Variants in MDGA2 observed in about 807,000 individuals in gnomAD.
The protein encoded by MDGA2 is MAM domain-containing glycosylphosphatidylinositol anchor protein 2.
Under a neutral mutation model 117.8 loss-of-function variants are expected in MDGA2, and 40 were observed. That is an observed-to-expected ratio of 0.34 (90% confidence interval 0.26 to 0.44). The LOEUF (loss-of-function observed/expected upper bound fraction) is 0.44, where lower values mean the gene tolerates loss of function less well. MDGA2 is among the 20% of genes least tolerant of loss of function. The pLI is 1.00. For missense variants in MDGA2, 1,123 were observed against 1,250.6 expected (o/e 0.90, Z 1.54); for synonymous variants, 452 against 439.0 (o/e 1.03, Z -0.37).
chr14:47,184,404 G>A lies in MDGA2; in HGVS notation c.595+33617C>T, dbSNP rs116536308. ...CATTTTTTTGTCCATGTAGTTAACC[G>A]GAAATCAACCCAGATAATGACAGAT... is the stretch of plus-strand genomic sequence containing the variant. On this transcript the variant is annotated intron_variant, in intron 3 of 16. Coordinates refer to ENST00000399232, the MANE Select transcript of MDGA2 (RefSeq NM_001113498.3). 8.3e-3 allele frequency among the ~76,000 whole-genome samples: 1,262 copies of A among 151,816 alleles called. 18 individuals are homozygous for A. The highest frequency in any genetic ancestry group is 0.026 in the African/African-American group (1,086 of 41,474).
intron 8 of MDGA2, among the ~76,000 whole-genome samples, chr14:46,959,412 A>C (rs775750599): frequency 1.3e-5 from 2 of 151,774 alleles, no homozygotes; most frequent in East Asian, 3.9e-4. Context: ...TATACTTTTA[A>C]TATCTTTATA....
chr14:47,422,398 C>T (rs1037148789), intron 1 of MDGA2, among the ~76,000 whole-genome samples: 12 of 152,088 alleles, frequency 7.9e-5, no homozygotes, highest in Admixed American at 7.9e-4. Flanking sequence ...CCCCCTCCTG[C>T]CTCCTCCAGC....
At chr14:46,955,750 A>G (rs1458604464) in intron 9 of MDGA2, among the ~76,000 whole-genome samples, 6 of 120,476 alleles carry the variant, frequency 5.0e-5, no homozygotes, top group African/African-American at 2.7e-4. Flanking sequence ...AGGTAGATCA[A>G]GTGTACTTTG....
intron 1 of MDGA2, among the ~76,000 whole-genome samples, chr14:47,564,487 C>T (rs1053897777): frequency 5.3e-5 from 8 of 152,232 alleles, no homozygotes; most frequent in African/African-American, 1.4e-4. Flanking sequence ...GGGGTTTCTC[C>T]TTATAAAACC....
Position 47,666,818 on chromosome 14 carries a change from C to T in MDGA2, c.280+7699G>A, listed in dbSNP as rs575898389. On this transcript the variant is annotated intron_variant, in intron 1 of 16. Coordinates refer to ENST00000399232, the MANE Select transcript of MDGA2 (RefSeq NM_001113498.3). Reference sequence around the variant, plus strand: ...CCTTTATGAGCTATAACACTCACTGCGAAGGTCTACACAGCTTCACTCCTG... The same window carrying T: ...CCTTTATGAGCTATAACACTCACTGTGAAGGTCTACACAGCTTCACTCCTG... Among the ~76,000 whole-genome samples the T allele has an allele frequency of 1.8e-4, 28 of 152,212 alleles. No homozygotes were observed. In the South Asian group the frequency reaches 4.4e-3, roughly 24 times the overall value.
At chr14:46,847,695 C>G (rs1295086235) in intron 15 of MDGA2, among the ~76,000 whole-genome samples, 2 of 151,940 alleles carry the variant, frequency 1.3e-5, no homozygotes, top group East Asian at 3.9e-4. Context: ...GCAGAATATT[C>G]CACATTATGG....
intron 1 of MDGA2, among the ~76,000 whole-genome samples, chr14:47,386,333 A>G (rs7142541): frequency 0.18 from 27,803 of 152,174 alleles, 2,701 homozygotes; most frequent in Admixed American, 0.26. Context: ...AATCTTTTCA[A>G]TGATTTTGAT....
chr14:47,089,836 C>T (rs889615579), intron 6 of MDGA2, among the ~76,000 whole-genome samples: 1 of 141,436 alleles, frequency 7.1e-6, no homozygotes, highest in African/African-American at 2.7e-5. Flanking sequence ...GCACTGTGCC[C>T]GGCCTTCTGT....
chr14:47,621,706 T>C (rs1897053064), intron 1 of MDGA2, among the ~76,000 whole-genome samples: 1 of 152,194 alleles, frequency 6.6e-6, no homozygotes, highest in African/African-American at 2.4e-5. Flanking sequence ...TGTCAAGTCC[T>C]ACTGTGGTCT....
intron 1 of MDGA2, among the ~76,000 whole-genome samples, chr14:47,468,599 C>G (rs563714474): frequency 8.7e-4 from 133 of 152,150 alleles, no homozygotes; most frequent in Middle Eastern, 3.4e-3. Flanking sequence ...CAAAGATAGG[C>G]TGGAATCCTT....
intron 1 of MDGA2, among the ~76,000 whole-genome samples, chr14:47,400,919 G>A (rs529991349): frequency 4.7e-5 from 7 of 148,286 alleles, no homozygotes; most frequent in Admixed American, 2.7e-4. Flanking sequence ...CACCACGCCC[G>A]GCTAATTTTT....
chr14:47,215,495 G>C (rs886499043), intron 3 of MDGA2, among the ~76,000 whole-genome samples: 2 of 152,120 alleles, frequency 1.3e-5, no homozygotes, highest in African/African-American at 4.8e-5. Flanking sequence ...CTTCAATCAA[G>C]GTTGTATTTG....
At chr14:47,165,440 C>T (rs1172911977) in intron 3 of MDGA2, among the ~76,000 whole-genome samples, 2 of 151,900 alleles carry the variant, frequency 1.3e-5, no homozygotes, top group Non-Finnish European at 2.9e-5. Context: ...CCTTTCTTCC[C>T]TCTTTATCTG....
At chr14:46,862,018 A>T (rs1363578909) in intron 14 of MDGA2, among the ~76,000 whole-genome samples, 1 of 152,030 alleles carries the variant, frequency 6.6e-6, no homozygotes, top group East Asian at 1.9e-4. Flanking sequence ...GATTGTGTTA[A>T]TACTCCTTAA....
intron 3 of MDGA2, among the ~76,000 whole-genome samples, chr14:47,175,374 G>T (rs1884391188): frequency 1.3e-5 from 2 of 151,564 alleles, no homozygotes; most frequent in Non-Finnish European, 2.9e-5. Context: ...CAGTATCCTT[G>T]ATGAACATTG....
At chr14:47,533,667 C>A (rs1408815155) in intron 1 of MDGA2, among the ~76,000 whole-genome samples, 1 of 152,140 alleles carries the variant, frequency 6.6e-6, no homozygotes, top group Non-Finnish European at 1.5e-5. Flanking sequence ...AGAATAGTGA[C>A]CTCATTACAC....
At chr14:47,047,154 G>A (rs1021507263) in intron 7 of MDGA2, among the ~76,000 whole-genome samples, 4 of 152,072 alleles carry the variant, frequency 2.6e-5, no homozygotes, top group Non-Finnish European at 4.4e-5. Flanking sequence ...TTCACAAGAA[G>A]TAAGGCTTCT....
intron 5 of MDGA2, among the ~76,000 whole-genome samples, chr14:47,123,096 T>C (rs1265291212): frequency 6.6e-6 from 1 of 152,068 alleles, no homozygotes; most frequent in Non-Finnish European, 1.5e-5. Flanking sequence ...ATTTGTATTG[T>C]GAGATGGCTT....
chr14:47,066,776 G>A (rs1312882229), intron 6 of MDGA2, among the ~76,000 whole-genome samples: 1 of 152,142 alleles, frequency 6.6e-6, no homozygotes, highest in Non-Finnish European at 1.5e-5. Context: ...TACATTGTCT[G>A]AAATAGTATT....
Sources: allele counts gnomAD v4.1 joint callset (sites outside exome capture counted in the v4.1 genomes callset), GRCh38; gene constraint gnomAD v4.1.1; transcripts MANE v1.5; gene names NCBI Gene and HGNC (gene_info 2026-07-23, HGNC 2026-07-21).